SHOC2: variants seen among roughly 807,000 people sequenced by gnomAD.
The protein encoded by SHOC2 is leucine-rich repeat protein SHOC-2.
In SHOC2, 4 loss-of-function variants were observed where a neutral mutation model predicts 50.2. The observed-to-expected ratio is 0.08, with a 90% CI of 0.04 to 0.18. SHOC2 has a LOEUF of 0.18. Ranked by LOEUF, SHOC2 falls within the 10% of genes least tolerant of loss-of-function variation. SHOC2 has a pLI of 1.00. For synonymous variants in SHOC2, 218 were observed against 244.5 expected, an observed-to-expected ratio of 0.89 and a Z score of 1.01; for missense variants, 388 against 669.6, an observed-to-expected ratio of 0.58 and a Z score of 4.64.
chr10:110,994,435 C>T (rs1385356932), intron 3 of SHOC2, among the ~76,000 whole-genome samples: 1 of 152,048 alleles, frequency 6.6e-6, no homozygotes, highest in East Asian at 1.9e-4. Context: ...TAAATATTTT[C>T]ACATGTGCAC....
intron 2 of SHOC2, among the ~76,000 whole-genome samples, chr10:110,968,137 C>T (rs192070787): frequency 2.4e-4 from 36 of 152,174 alleles, no homozygotes; most frequent in African/African-American, 6.0e-4. Flanking sequence ...TGTTATTATC[C>T]GTCTTTTCTT....
intron 1 of SHOC2, among the ~76,000 whole-genome samples, chr10:110,936,359 T>C (rs1457565940): frequency 6.6e-6 from 1 of 151,960 alleles, no homozygotes; most frequent in East Asian, 1.9e-4. Context: ...TGCCTTGGCC[T>C]CCCAAAGTGC....
chr10:110,951,114 A>C (rs571005898), intron 1 of SHOC2, among the ~76,000 whole-genome samples: 7 of 152,346 alleles, frequency 4.6e-5, no homozygotes, highest in African/African-American at 1.7e-4. Context: ...ACAGAATAGG[A>C]GAAAATATTT....
chr10:111,010,540 C>T (rs1486123581), intron 8 of SHOC2, among the ~76,000 whole-genome samples: 1 of 151,572 alleles, frequency 6.6e-6, no homozygotes, highest in Non-Finnish European at 1.5e-5. Context: ...CGTGGGGTAG[C>T]GGGAGGGGGG....
intron 2 of SHOC2, among the ~76,000 whole-genome samples, chr10:110,974,848 A>C (rs1414797759): frequency 6.6e-6 from 1 of 152,108 alleles, no homozygotes; most frequent in Non-Finnish European, 1.5e-5. Flanking sequence ...TCACATTATC[A>C]TAAGTCCCAT....
rs1161987839 is a variant in SHOC2, at chr10:111,012,320, TTTC to T, written c.*505_*507del. On this transcript the variant is annotated 3_prime_UTR_variant, in exon 9 of 9. Transcript: ENST00000369452. ...TTTACAGTCAGAGTAAATCACTGGA[TTTC>T]TTTTGTTTGTTTTGATTTGCTCTGT... 1 of 160,942 alleles carries T rather than the reference TTTC, an allele frequency of 6.2e-6. No individual in the cohort carries two copies. The highest frequency in any genetic ancestry group is 2.4e-5 in the African/African-American group (1 of 41,490). 10.0% of individuals were successfully genotyped at this position (160,942 alleles called of 1,614,324 possible).
chr10:111,007,008 G>A (rs188751521), intron 5 of SHOC2, among the ~76,000 whole-genome samples: 1 of 152,172 alleles, frequency 6.6e-6, no homozygotes, highest in East Asian at 1.9e-4. Context: ...AAGTGAAATG[G>A]TAAATACCTG....
chr10:111,007,789 A>C, intron 6 of SHOC2, 136 bp downstream of exon 6: 1 of 848,478 alleles, frequency 1.2e-6, no homozygotes, highest in Non-Finnish European at 1.9e-6. Flanking sequence ...TAAACATACA[A>C]CCCTAATAGG....
chr10:110,975,638 T>G (rs140990037), intron 2 of SHOC2, among the ~76,000 whole-genome samples: 2 of 152,306 alleles, frequency 1.3e-5, no homozygotes, highest in East Asian at 1.9e-4. Context: ...TTGGTTTTTT[T>G]GTCAAGGATG....
chr10:110,929,358 C>T (rs1176990182), intron 1 of SHOC2, among the ~76,000 whole-genome samples: 1 of 152,044 alleles, frequency 6.6e-6, no homozygotes, highest in African/African-American at 2.4e-5. Context: ...TCACTTGCTA[C>T]CTGCAAATTA....
At chr10:110,933,282 A>AT (rs1846930929) in intron 1 of SHOC2, among the ~76,000 whole-genome samples, 1 of 152,172 alleles carries the variant, frequency 6.6e-6, no homozygotes, top group Non-Finnish European at 1.5e-5. Context: ...ACATACAGAG[A>AT]TAAAAAGTGA....
rs536731771 is a variant in SHOC2 at position 110,958,306 on chromosome 10, C to T, written c.-234-5819C>T. On this transcript the variant is annotated intron_variant, in intron 1 of 8. Coordinates refer to ENST00000369452, the MANE Select transcript of SHOC2 (RefSeq NM_007373.4). ...CTTGGCTCACTGCAACCTCTGTCTC[C>T]CAGTTCAAGCGATTCTTCTGCCTCA... Among the ~76,000 whole-genome samples the T allele has an allele frequency of 1.1e-4, 16 of 152,114 alleles. No individual in the cohort carries two copies. The South Asian group carries it at 3.3e-3, about 32-fold the overall frequency.
chr10:110,925,061 A>ACT (rs1167360958), intron 1 of SHOC2, among the ~76,000 whole-genome samples: 5 of 114,366 alleles, frequency 4.4e-5, no homozygotes, highest in Non-Finnish European at 8.8e-5. Flanking sequence ...ACAGAGTGAG[A>ACT]CTCTGTCTCA....
intron 5 of SHOC2, 132 bp downstream of exon 5, chr10:111,004,926 A>G (rs1307778935): frequency 8.6e-6 from 6 of 694,114 alleles, no homozygotes; most frequent in Non-Finnish European, 1.6e-5. Flanking sequence ...ATCATAAGAC[A>G]TGTCAGGGTA....
At chr10:110,932,361 G>T (rs1230875943) in intron 1 of SHOC2, among the ~76,000 whole-genome samples, 1 of 152,162 alleles carries the variant, frequency 6.6e-6, no homozygotes, top group East Asian at 1.9e-4. Context: ...ATGTTTGAAA[G>T]ATCACTCTAA....
At chr10:110,984,220 G>T (rs1171163853) in intron 2 of SHOC2, among the ~76,000 whole-genome samples, 2 of 152,154 alleles carry the variant, frequency 1.3e-5, no homozygotes, top group South Asian at 4.2e-4. Flanking sequence ...GTGGTATCTT[G>T]TTGTGATTTG....
intron 1 of SHOC2, chr10:110,936,814 G>T: frequency 8.4e-7 from 1 of 1,189,458 alleles, no homozygotes; most frequent in Non-Finnish European, 1.2e-6. Flanking sequence ...CGTGAGCCAG[G>T]TGCCCCAGAT....
Position 111,011,603 on chromosome 10 carries a change from T to A in SHOC2, c.1541-7T>A, listed in dbSNP as rs1564732053. On this transcript the variant is annotated splice_region_variant and splice_polypyrimidine_tract_variant and intron_variant, in intron 8 of 8. Transcript: ENST00000369452. ...TTTAAAAAAAAATTGATTTTTTTTT[T>A]AAACAGGTACACTGGAGAACCTAGA... is the stretch of plus-strand genomic sequence containing the variant. The A allele has an allele frequency of 7.5e-6, 12 of 1,604,550 alleles. No individual in the cohort carries two copies. Among genetic ancestry groups the A allele is most frequent in the Admixed American group, 5.0e-5 (3 of 59,670 alleles).
chr10:110,937,021 G>A (rs766290959), intron 1 of SHOC2: 9 of 1,482,114 alleles, frequency 6.1e-6, no homozygotes, highest in South Asian at 4.5e-5. Context: ...CCCGGAAGTG[G>A]TAGGGGCGTC....
Sources: gnomAD v4.1 joint callset for allele counts (sites outside exome capture counted in the v4.1 genomes callset) on GRCh38, gnomAD v4.1.1 for gene constraint, MANE v1.5 for transcripts, NCBI Gene and HGNC (gene_info 2026-07-23, HGNC 2026-07-21) for gene names.